Variants in KLHL42 observed in about 807,000 individuals in gnomAD.
KLHL42 encodes kelch-like protein 42.
In KLHL42, 27 loss-of-function variants were observed where a neutral mutation model predicts 32.7. The ratio of observed to expected loss-of-function variants is 0.83; its 90% CI spans 0.61 to 1.14. The LOEUF (loss-of-function observed/expected upper bound fraction) is 1.14. Ranked by LOEUF, KLHL42 falls within the 50% of genes most tolerant of loss-of-function variation. The pLI, the probability that KLHL42 is intolerant of heterozygous loss-of-function variation, is 0.00. For synonymous variants in KLHL42, 267 were observed against 248.2 expected (o/e 1.08, Z -0.71); for missense variants, 491 against 560.8 (o/e 0.88, Z 1.26).
rs933421934 is a variant in KLHL42, at chr12:27,802,685, G to A, written c.*4519G>A. 6.6e-6 allele frequency: 1 copy of A among 152,456 alleles called. No individual in the cohort carries two copies. The highest frequency in any genetic ancestry group is 6.6e-5 in the Admixed American group (1 of 15,256). The allele number at this position is 152,456 out of a possible 1,614,324, so 9.4% of individuals were successfully genotyped here. On this transcript the variant is annotated 3_prime_UTR_variant, in exon 3 of 3. Transcript: ENST00000381271. ...TGGCTGGTGCTTTCTCAAATGGATT[G>A]CCATAGTTCATTACTAGTAAAGAAA...
chr12:27,800,391 C>G lies in KLHL42; in HGVS notation c.*2225C>G. 9.2e-6 allele frequency: 9 copies of G among 976,676 alleles called. No homozygotes were observed. Among genetic ancestry groups the G allele is most frequent in the Non-Finnish European group, 1.1e-5 (9 of 822,638 alleles). The allele number at this position is 976,676 out of a possible 1,614,324, so 60.5% of individuals were successfully genotyped here. On this transcript the variant is annotated 3_prime_UTR_variant, in exon 3 of 3. Coordinates refer to ENST00000381271, the MANE Select transcript of KLHL42 (RefSeq NM_020782.2). Reference sequence around the variant, plus strand: ...GTGTGTGTATGTTTGCATATTATAGCTCTCTTTAAGACAGACATCTAAAAA... The same window carrying G: ...GTGTGTGTATGTTTGCATATTATAGGTCTCTTTAAGACAGACATCTAAAAA...
In KLHL42 at chr12:27,799,637, A is replaced by C. The variant is rs1412118079; in HGVS notation, c.*1471A>C. 1 of 152,568 alleles carries C rather than the reference A, an allele frequency of 6.6e-6. No individual in the cohort carries two copies. Among genetic ancestry groups the C allele is most frequent in the African/African-American group, 2.4e-5 (1 of 41,454 alleles). The allele number at this position is 152,568 out of a possible 1,614,324, so 9.5% of individuals were successfully genotyped here. ...GCCGTCCACTGTGCAGATGTAGGAC[A>C]GGGGCTAATCACTTAGAGTTCTTCA... is the stretch of plus-strand genomic sequence containing the variant. On this transcript the variant is annotated 3_prime_UTR_variant, in exon 3 of 3. Transcript: ENST00000381271.
At chr12:27,783,658 T>C (rs905644188) in intron 1 of KLHL42, among the ~76,000 whole-genome samples, 3 of 152,258 alleles carry the variant, frequency 2.0e-5, no homozygotes, top group Non-Finnish European at 4.4e-5. Flanking sequence ...CTCGGCTCAC[T>C]GCAAGCTCCG....
intron 1 of KLHL42, among the ~76,000 whole-genome samples, chr12:27,782,849 AAG>A (rs149638266): frequency 1.8e-3 from 272 of 152,334 alleles, no homozygotes; most frequent in Admixed American, 3.2e-3. Context: ...GTGGAGTAAA[AAG>A]AGTAAATGTC....
At chr12:27,789,764 T>C (rs989314547) in intron 1 of KLHL42, among the ~76,000 whole-genome samples, 19 of 152,026 alleles carry the variant, frequency 1.2e-4, no homozygotes, top group Admixed American at 6.5e-5. Flanking sequence ...GCAGCAGGAA[T>C]CAGGGACCCC....
chr12:27,789,317 T>C (rs560910605), intron 1 of KLHL42, among the ~76,000 whole-genome samples: 5 of 152,226 alleles, frequency 3.3e-5, no homozygotes, highest in Non-Finnish European at 7.3e-5. Context: ...AATTGATGTG[T>C]GATGTCTGAG....
intron 1 of KLHL42, chr12:27,788,023 C>G (rs1047722697): frequency 6.6e-6 from 1 of 152,168 alleles, no homozygotes; most frequent in Non-Finnish European, 1.5e-5. Flanking sequence ...AACCTTTCCC[C>G]TTCTCCCCTT....
Position 27,799,579 on chromosome 12 carries a change from C to G in KLHL42, c.*1413C>G, listed in dbSNP as rs985251857. 2.0e-5 allele frequency: 3 copies of G among 152,380 alleles called. No individual in the cohort carries two copies. The highest frequency in any genetic ancestry group is 1.3e-4 in the Admixed American group (2 of 15,280). 9.4% of individuals were successfully genotyped at this position (152,380 alleles called of 1,614,324 possible). On this transcript the variant is annotated 3_prime_UTR_variant, in exon 3 of 3. Coordinates refer to ENST00000381271, the MANE Select transcript of KLHL42 (RefSeq NM_020782.2). ...AAAAAACTGTCAGAGCGAATTCATG[C>G]ATTCAACAAACACTTATGAGTGCCT...
chr12:27,800,417 G>T lies in KLHL42; in HGVS notation c.*2251G>T. On this transcript the variant is annotated 3_prime_UTR_variant, in exon 3 of 3. Transcript: ENST00000381271. ...TCTCTTTAAGACAGACATCTAAAAA[G>T]ATTTTGGTTATTCTGGGCTGCCAGC... The T allele has an allele frequency of 1.0e-6, 1 of 982,702 alleles. No individual in the cohort carries two copies. Among genetic ancestry groups the T allele is most frequent in the South Asian group, 4.7e-5 (1 of 21,206 alleles). The allele number at this position is 982,702 out of a possible 1,614,324, so 60.9% of individuals were successfully genotyped here. A position where few individuals can be genotyped will look rare whatever the true frequency, so the allele number is the denominator to read the frequency against.
chr12:27,785,725 A>G (rs918038827), intron 1 of KLHL42, among the ~76,000 whole-genome samples: 9 of 151,556 alleles, frequency 5.9e-5, no homozygotes, highest in South Asian at 2.1e-4. Flanking sequence ...ATCAGGAACT[A>G]GGACTTACTC....
At chr12:27,784,637 A>AAAAT (rs563155293) in intron 1 of KLHL42, among the ~76,000 whole-genome samples, 267 of 152,268 alleles carry the variant, frequency 1.8e-3, no homozygotes, top group African/African-American at 6.3e-3. Flanking sequence ...TAAACAGTTA[A>AAAAT]AAATAAATAA....
rs2062241428 is a variant in KLHL42, at chr12:27,800,438, C to G, written c.*2272C>G. The G allele has an allele frequency of 1.1e-6, 1 of 920,232 alleles. No individual in the cohort carries two copies. The highest frequency in any genetic ancestry group is 1.8e-5 in the African/African-American group (1 of 55,880). 57.0% of individuals were successfully genotyped at this position (920,232 alleles called of 1,614,324 possible). On this transcript the variant is annotated 3_prime_UTR_variant, in exon 3 of 3. Coordinates refer to ENST00000381271, the MANE Select transcript of KLHL42 (RefSeq NM_020782.2). The stretch of plus-strand genomic sequence containing the variant: ...AAAAGATTTTGGTTATTCTGGGCTG[C>G]CAGCAGTACGTGGGAAAGGTGGAAT...
intron 2 of KLHL42, among the ~76,000 whole-genome samples, chr12:27,796,792 T>C (rs1190582527): frequency 1.3e-5 from 2 of 152,056 alleles, no homozygotes; most frequent in Non-Finnish European, 2.9e-5. Flanking sequence ...CACACCACCA[T>C]GCCTGGCTAA....
chr12:27,793,009 C>G (rs1052419394), intron 2 of KLHL42, among the ~76,000 whole-genome samples: 4 of 152,188 alleles, frequency 2.6e-5, no homozygotes, highest in African/African-American at 9.7e-5. Context: ...CTTGGCCTCT[C>G]AAAGTGCTGG....
intron 2 of KLHL42, among the ~76,000 whole-genome samples, chr12:27,793,622 G>A (rs1304421834): frequency 6.6e-6 from 1 of 152,068 alleles, no homozygotes; most frequent in Non-Finnish European, 1.5e-5. Flanking sequence ...GTCAAGCAGA[G>A]GGGTGCCTTT....
chr12:27,791,586 GC>G (rs1242185971), intron 1 of KLHL42, 121 bp from the exon 2 acceptor site: 30 of 811,666 alleles, frequency 3.7e-5, no homozygotes, highest in Admixed American at 2.1e-5. Flanking sequence ...AGGCGGAATG[GC>G]CCCCAACTGG....
At chr12:27,793,716 C>G (rs184796196) in intron 2 of KLHL42, among the ~76,000 whole-genome samples, 26 of 152,292 alleles carry the variant, frequency 1.7e-4, no homozygotes, top group Non-Finnish European at 3.1e-4. Flanking sequence ...CTGTGTGACT[C>G]TATGGAGCCC....
In KLHL42 at chr12:27,800,343, T is replaced by G. The variant is rs1167792022; in HGVS notation, c.*2177T>G. 6.1e-4 allele frequency: 532 copies of G among 869,488 alleles called. 3 individuals are homozygous for G. The African/African-American group carries it at 0.018, about 30-fold the overall frequency. 53.9% of individuals were successfully genotyped at this position (869,488 alleles called of 1,614,324 possible). On this transcript the variant is annotated 3_prime_UTR_variant, in exon 3 of 3. Coordinates refer to ENST00000381271, the MANE Select transcript of KLHL42 (RefSeq NM_020782.2). ...TAAACCAGGTTTGAGGTTGTGTGTGTGTGTGGGGGTGTGTGTGTGTGTGTG... is the reference window on the plus strand; with the variant it reads ...TAAACCAGGTTTGAGGTTGTGTGTGGGTGTGGGGGTGTGTGTGTGTGTGTG...
At position 27,780,574 on chromosome 12, in the gene KLHL42, C is replaced by T; in HGVS notation, c.244C>T (p.Pro82Ser). The T allele has an allele frequency of 6.5e-7, 1 of 1,538,200 alleles. No individual in the cohort carries two copies. The highest frequency in any genetic ancestry group is 8.7e-7 in the Non-Finnish European group (1 of 1,145,940). The change falls in exon 1 of 3, where the codon CCG becomes TCG. Residue 82 changes from proline (P) to serine (S), a missense_variant. Coordinates refer to ENST00000381271, the MANE Select transcript of KLHL42 (RefSeq NM_020782.2). The surrounding 1 kb of genome is among the most constrained non-coding windows in gnomAD (Gnocchi z 8.8). ...GGCCCGCGAAGGCTGGCTCCTGGGC[C>T]CGCGCGGGGAAAAGGGCGGCGGGGT... is the stretch of plus-strand genomic sequence containing the variant. ...GGAREGWLLG[P>S]RGEKGGGVDE...
Sources: gnomAD v4.1 joint callset for allele counts (sites outside exome capture counted in the v4.1 genomes callset) on GRCh38, gnomAD v4.1.1 for gene constraint, Gnocchi (gnomAD v3.1) non-coding constraint, MANE v1.5 for transcripts, NCBI Gene and HGNC (gene_info 2026-07-23, HGNC 2026-07-21) for gene names.